The following SYNPR variants were observed in gnomAD, a reference collection of about 807,000 sequenced individuals.
The protein encoded by SYNPR is synaptoporin.
In SYNPR, 23 loss-of-function variants were observed where a neutral mutation model predicts 32.9. The ratio of observed to expected loss-of-function variants is 0.70; its 90% confidence interval spans 0.50 to 0.99. SYNPR has a LOEUF of 0.99. Among genes scored for constraint, SYNPR ranks in the 50% least tolerant of loss-of-function variants. The pLI is 0.00. For synonymous variants in SYNPR, 146 were observed against 135.9 expected (o/e 1.07, Z -0.52); for missense variants, 318 against 349.3 (o/e 0.91, Z 0.71).
At chr3:63,548,669 G>A (rs527841674) in intron 3 of SYNPR, among the ~76,000 whole-genome samples, 63 of 152,156 alleles carry the variant, frequency 4.1e-4, no homozygotes, top group African/African-American at 1.4e-3. Flanking sequence ...ATTGAAACAG[G>A]GCCTATCAAA....
intron 2 of SYNPR, among the ~76,000 whole-genome samples, chr3:63,380,703 C>G (rs1404724903): frequency 2.0e-5 from 3 of 152,134 alleles, no homozygotes; most frequent in Non-Finnish European, 4.4e-5. Context: ...GCTTATCCAC[C>G]ATGATCAAGT....
At chr3:63,337,145 T>A (rs546208139) in intron 2 of SYNPR, among the ~76,000 whole-genome samples, 2 of 148,250 alleles carry the variant, frequency 1.3e-5, no homozygotes, top group Non-Finnish European at 3.0e-5. Context: ...GGCAGGAGAA[T>A]TGATTGACCC....
At chr3:63,565,479 G>A (rs1702765487) in intron 4 of SYNPR, among the ~76,000 whole-genome samples, 2 of 152,206 alleles carry the variant, frequency 1.3e-5, no homozygotes, top group South Asian at 4.1e-4. Context: ...GTAGAAGGCA[G>A]AAGAGAAACG....
At chr3:63,495,290 C>T (rs950075806) in intron 3 of SYNPR, among the ~76,000 whole-genome samples, 8 of 152,160 alleles carry the variant, frequency 5.3e-5, no homozygotes, top group African/African-American at 1.4e-4. Flanking sequence ...ATAGCTGATT[C>T]TCCTTTCCCT....
intron 2 of SYNPR, among the ~76,000 whole-genome samples, chr3:63,467,375 C>T (rs1444262285): frequency 6.6e-6 from 1 of 152,100 alleles, no homozygotes; most frequent in Non-Finnish European, 1.5e-5. Flanking sequence ...TGAATTTGTT[C>T]CCTAGTATTT....
intron 2 of SYNPR, among the ~76,000 whole-genome samples, chr3:63,399,212 C>A (rs568789334): frequency 2.0e-5 from 3 of 152,194 alleles, no homozygotes; most frequent in African/African-American, 7.2e-5. Flanking sequence ...CAGTTTTAGT[C>A]CCAGTGCCTG....
At position 63,519,486 on chromosome 3, in the gene SYNPR, G is replaced by A. The variant is rs540323155; in HGVS notation, c.210-37057G>A. Among the ~76,000 whole-genome samples, 4 of 152,310 alleles carry A rather than the reference G, an allele frequency of 2.6e-5. No homozygotes were observed. In the South Asian group the frequency reaches 6.2e-4, roughly 24 times the overall value. ...CTTCTTCGTGAGCAGAGCAGAGCTT[G>A]CCCATAGCTGTGCTCCTTGTTGCCT... On this transcript the variant is annotated intron_variant, in intron 3 of 5. Coordinates refer to ENST00000478300, the MANE Select transcript of SYNPR (RefSeq NM_001130003.2).
intron 4 of SYNPR, among the ~76,000 whole-genome samples, chr3:63,580,540 G>A (rs922773523): frequency 1.3e-5 from 2 of 151,890 alleles, no homozygotes; most frequent in African/African-American, 4.8e-5. Context: ...GGACGTGGAA[G>A]CATTAACCTA....
chr3:63,236,203 C>G (rs887551491), intron 1 of SYNPR, among the ~76,000 whole-genome samples: 1 of 151,744 alleles, frequency 6.6e-6, no homozygotes, highest in Non-Finnish European at 1.5e-5. Context: ...GGGTATAGAT[C>G]TGGGTTCTCT....
chr3:63,318,292 G>A lies in SYNPR; in HGVS notation c.84+39550G>A, dbSNP rs150158831. 1.2e-3 allele frequency among the ~76,000 whole-genome samples: 176 copies of A among 152,108 alleles called. 3 individuals carry two copies. The East Asian group carries it at 0.033, about 28-fold the overall frequency. On this transcript the variant is annotated intron_variant, in intron 2 of 5. Transcript: ENST00000478300. The stretch of plus-strand genomic sequence containing the variant: ...TTCTTTGTGCTTCTTGTATTTGGAT[G>A]TCTAGGTCTCTAGCAAGGCCAGGGA...
At chr3:63,315,169 G>A (rs890453446) in intron 2 of SYNPR, among the ~76,000 whole-genome samples, 1 of 150,702 alleles carries the variant, frequency 6.6e-6, no homozygotes, top group East Asian at 1.9e-4. Flanking sequence ...CAGGTAGCGT[G>A]ATGCTTCCAG....
chr3:63,408,900 C>T (rs895929703), intron 2 of SYNPR, among the ~76,000 whole-genome samples: 4 of 152,110 alleles, frequency 2.6e-5, no homozygotes, highest in Admixed American at 6.5e-5. Flanking sequence ...CAGTTGCCCA[C>T]GGAGTGTTTT....
At chr3:63,453,352 C>A (rs1052097091) in intron 2 of SYNPR, among the ~76,000 whole-genome samples, 1 of 152,044 alleles carries the variant, frequency 6.6e-6, no homozygotes, top group Non-Finnish European at 1.5e-5. Context: ...TCTTTTTTAC[C>A]TCTGGAATCA....
intron 2 of SYNPR, among the ~76,000 whole-genome samples, chr3:63,441,360 T>A (rs745694353): frequency 3.3e-5 from 5 of 152,204 alleles, no homozygotes; most frequent in Non-Finnish European, 7.3e-5. Flanking sequence ...TGAGAATTAC[T>A]CACTGGGCTC....
At chr3:63,335,848 C>T (rs553881142) in intron 2 of SYNPR, among the ~76,000 whole-genome samples, 1 of 141,836 alleles carries the variant, frequency 7.1e-6, no homozygotes, top group East Asian at 2.0e-4. Flanking sequence ...GCAATCTCAG[C>T]TCACCGCAAC....
chr3:63,411,176 G>A (rs1291137925), intron 2 of SYNPR, among the ~76,000 whole-genome samples: 1 of 152,076 alleles, frequency 6.6e-6, no homozygotes, highest in East Asian at 1.9e-4. Context: ...AACAACAAAT[G>A]ACTAACTTAA....
At chr3:63,363,279 GA>G (rs1225934425) in intron 2 of SYNPR, among the ~76,000 whole-genome samples, 2 of 152,114 alleles carry the variant, frequency 1.3e-5, no homozygotes, top group Non-Finnish European at 2.9e-5. Context: ...GAAGATTTCA[GA>G]AAAAATAATA....
intron 2 of SYNPR, among the ~76,000 whole-genome samples, chr3:63,338,986 G>C (rs912691769): frequency 2.0e-5 from 3 of 152,180 alleles, no homozygotes; most frequent in African/African-American, 7.2e-5. Flanking sequence ...GATGCTTTTA[G>C]GTAAGGCAGA....
intron 2 of SYNPR, among the ~76,000 whole-genome samples, chr3:63,328,164 A>T (rs2087187647): frequency 6.6e-6 from 1 of 152,148 alleles, no homozygotes; most frequent in African/African-American, 2.4e-5. Context: ...ATAATTCAAG[A>T]TGCTCAGTAC....
Sources: gnomAD v4.1 joint callset for allele counts (sites outside exome capture counted in the v4.1 genomes callset) on GRCh38, gnomAD v4.1.1 for gene constraint, MANE v1.5 for transcripts, NCBI Gene and HGNC (gene_info 2026-07-23, HGNC 2026-07-21) for gene names.